Variants in LRP1B observed in about 807,000 individuals in gnomAD.
LRP1B encodes low-density lipoprotein receptor-related protein 1B.
In LRP1B, 217 loss-of-function variants were observed where a neutral mutation model predicts 556.6. The ratio of observed to expected loss-of-function variants is 0.39; its 90% confidence interval spans 0.35 to 0.44. The LOEUF (loss-of-function observed/expected upper bound fraction) is 0.44. Among genes scored for constraint, LRP1B ranks in the 20% least tolerant of loss-of-function variants. LRP1B has a pLI of 1.00. For missense variants in LRP1B, 5,053 were observed against 5,620.8 expected, an observed-to-expected ratio of 0.90 and a Z score of 3.23; for synonymous variants, 2,047 against 1,865.8, an observed-to-expected ratio of 1.10 and a Z score of -2.50.
chr2:140,426,684 C>T (rs1167949670), intron 66 of LRP1B, among the ~76,000 whole-genome samples: 1 of 152,184 alleles, frequency 6.6e-6, no homozygotes, highest in African/African-American at 2.4e-5. Flanking sequence ...AACAGCCCCA[C>T]CCATATCTTC....
chr2:141,462,799 G>A (rs576467761), intron 3 of LRP1B, among the ~76,000 whole-genome samples: 25 of 143,214 alleles, frequency 1.7e-4, no homozygotes, highest in Non-Finnish European at 3.5e-4. Context: ...GTAACCCGCT[G>A]CCCAAAGCCA....
At chr2:141,847,961 T>C in intron 1 of LRP1B, among the ~76,000 whole-genome samples, 1 of 151,536 alleles carries the variant, frequency 6.6e-6, no homozygotes, top group East Asian at 1.9e-4. Context: ...GATTTTTATA[T>C]ATAATATTTA....
intron 20 of LRP1B, among the ~76,000 whole-genome samples, chr2:140,935,467 G>A (rs1695175164): frequency 6.6e-6 from 1 of 151,908 alleles, no homozygotes; most frequent in Admixed American, 6.6e-5. Flanking sequence ...TTTGAAGATA[G>A]GACAATGGGA....
chr2:140,831,877 CA>C (rs1197913800), intron 31 of LRP1B, among the ~76,000 whole-genome samples: 1 of 151,814 alleles, frequency 6.6e-6, no homozygotes, highest in African/African-American at 2.4e-5. Flanking sequence ...AGGCATGTCT[CA>C]AAAAAAGACA....
In LRP1B at chr2:141,537,650, G is replaced by A. The variant is rs139736855; in HGVS notation, c.206-57117C>T. Among the ~76,000 whole-genome samples, 233 of 152,054 alleles carry A rather than the reference G, an allele frequency of 1.5e-3. 2 individuals are homozygous for A. The highest frequency in any genetic ancestry group is 5.4e-3 in the African/African-American group (223 of 41,490). Reference sequence around the variant, plus strand: ...GTATTGCCATTCTGTGTATTTCACCGGCTTTCAGTGAATTTAAAATCAGAT... The same window carrying A: ...GTATTGCCATTCTGTGTATTTCACCAGCTTTCAGTGAATTTAAAATCAGAT... On this transcript the variant is annotated intron_variant, in intron 2 of 90. Transcript: ENST00000389484.
intron 27 of LRP1B, among the ~76,000 whole-genome samples, chr2:140,855,273 G>A (rs1179744661): frequency 1.3e-5 from 2 of 150,388 alleles, no homozygotes; most frequent in Non-Finnish European, 3.0e-5. Flanking sequence ...ATGGATTGTT[G>A]CGCTAAACTC....
intron 1 of LRP1B, among the ~76,000 whole-genome samples, chr2:142,028,884 T>C (rs1574610950): frequency 6.6e-6 from 1 of 151,930 alleles, no homozygotes; most frequent in East Asian, 1.9e-4. Flanking sequence ...TTCACTGTGG[T>C]TTTAATTTGC....
chr2:142,044,210 A>T (rs747045621), intron 1 of LRP1B, among the ~76,000 whole-genome samples: 19 of 151,678 alleles, frequency 1.3e-4, no homozygotes, highest in Non-Finnish European at 2.7e-4. Context: ...CCCTTGCTTT[A>T]TTTGTGCATT....
chr2:140,835,841 A>T (rs1573783104), intron 31 of LRP1B, among the ~76,000 whole-genome samples: 1 of 152,132 alleles, frequency 6.6e-6, no homozygotes. Flanking sequence ...ACCTGGCCAC[A>T]TGCCTATTTT....
chr2:141,885,506 A>C (rs1699083512), intron 1 of LRP1B, among the ~76,000 whole-genome samples: 1 of 151,912 alleles, frequency 6.6e-6, no homozygotes, highest in Admixed American at 6.6e-5. Flanking sequence ...AACAAACAAA[A>C]AACGCTGTGG....
chr2:141,830,839 T>C (rs973900651), intron 1 of LRP1B, among the ~76,000 whole-genome samples: 1 of 151,860 alleles, frequency 6.6e-6, no homozygotes, highest in Non-Finnish European at 1.5e-5. Context: ...TGATCTCTGA[T>C]GCTTTCTCCT....
chr2:141,944,083 T>C, intron 1 of LRP1B, among the ~76,000 whole-genome samples: 1 of 152,096 alleles, frequency 6.6e-6, no homozygotes, highest in East Asian at 1.9e-4. Context: ...TTGGAGGTTC[T>C]CCGGGGACCC....
Position 140,928,786 on chromosome 2 carries a change from C to T in LRP1B, c.3137-5639G>A, listed in dbSNP as rs570122754. On this transcript the variant is annotated intron_variant, in intron 20 of 90. Coordinates refer to ENST00000389484, the MANE Select transcript of LRP1B (RefSeq NM_018557.3). ...TGACACTTGAGTGAGACCAAAATGACGAGAAAGAGCTAGCCATGAAGATGT... is the reference window on the plus strand; with the variant it reads ...TGACACTTGAGTGAGACCAAAATGATGAGAAAGAGCTAGCCATGAAGATGT... Among the ~76,000 whole-genome samples the T allele has an allele frequency of 5.5e-4, 84 of 151,832 alleles. 1 individual carries two copies. The highest frequency in any genetic ancestry group is 5.2e-3 in the South Asian group (25 of 4,808).
chr2:141,497,900 A>G (rs1381992270), intron 2 of LRP1B, among the ~76,000 whole-genome samples: 5 of 152,008 alleles, frequency 3.3e-5, no homozygotes, highest in Non-Finnish European at 7.4e-5. Flanking sequence ...GATATAAATT[A>G]ATTTTGAATC....
chr2:141,519,409 C>A (rs79267967), intron 2 of LRP1B, among the ~76,000 whole-genome samples: 1 of 124,132 alleles, frequency 8.1e-6, no homozygotes, highest in Admixed American at 8.4e-5. Context: ...ATATGAAATG[C>A]AATATTTATT....
chr2:141,462,428 G>A (rs1054904026), intron 3 of LRP1B, among the ~76,000 whole-genome samples: 53 of 151,756 alleles, frequency 3.5e-4, no homozygotes, highest in Non-Finnish European at 1.0e-4. Context: ...TCATTCATAA[G>A]TGGGAGTTGA....
chr2:141,770,601 T>C (rs1694871026), intron 2 of LRP1B, among the ~76,000 whole-genome samples: 1 of 152,204 alleles, frequency 6.6e-6, no homozygotes, highest in African/African-American at 2.4e-5. Context: ...TCTCTGAACA[T>C]GTTCTCTTTC....
chr2:141,387,429 TACA>T (rs1336877072), intron 3 of LRP1B, among the ~76,000 whole-genome samples: 3 of 151,928 alleles, frequency 2.0e-5, no homozygotes, highest in Admixed American at 6.6e-5. Context: ...CCTTTAGCTG[TACA>T]ACAAGGGGAA....
intron 43 of LRP1B, among the ~76,000 whole-genome samples, chr2:140,559,339 A>T (rs1436948454): frequency 1.3e-5 from 2 of 152,204 alleles, no homozygotes; most frequent in Non-Finnish European, 2.9e-5. Context: ...CAATTCAGAG[A>T]CACACACAAC....
Sources: gnomAD v4.1 joint callset for allele counts (sites outside exome capture counted in the v4.1 genomes callset) on GRCh38, gnomAD v4.1.1 for gene constraint, MANE v1.5 for transcripts, NCBI Gene and HGNC (gene_info 2026-07-23, HGNC 2026-07-21) for gene names.